The following NLN variants were observed in gnomAD, a reference collection of about 807,000 sequenced individuals.
The protein encoded by NLN is neurolysin, mitochondrial.
In NLN, 64 loss-of-function variants were observed where a neutral mutation model predicts 79.9. The observed-to-expected ratio is 0.80, with a 90% confidence interval of 0.65 to 0.99. NLN has a LOEUF of 0.99. NLN is among the 50% of genes least tolerant of loss of function. The pLI, the probability that NLN is intolerant of heterozygous loss-of-function variation, is 0.00. For synonymous variants in NLN, 267 were observed against 296.6 expected (o/e 0.90, Z 1.02); for missense variants, 835 against 858.7 (o/e 0.97, Z 0.34).
intron 1 of NLN, among the ~76,000 whole-genome samples, chr5:65,726,128 A>G (rs1758464328): frequency 6.7e-6 from 1 of 148,154 alleles, no homozygotes; most frequent in Admixed American, 6.7e-5. Context: ...AAAAAAAAAA[A>G]AATGGTTTTC....
At chr5:65,739,697 A>G (rs779468973) in intron 1 of NLN, among the ~76,000 whole-genome samples, 3 of 152,056 alleles carry the variant, frequency 2.0e-5, no homozygotes, top group Non-Finnish European at 4.4e-5. Flanking sequence ...CATAATAGCT[A>G]TTTTAACAGG....
At chr5:65,796,191 G>A (rs1760170203) in intron 9 of NLN, among the ~76,000 whole-genome samples, 1 of 152,160 alleles carries the variant, frequency 6.6e-6, no homozygotes, top group African/African-American at 2.4e-5. Flanking sequence ...AGATAATAGT[G>A]ATCTTCAAAT....
intron 1 of NLN, among the ~76,000 whole-genome samples, chr5:65,750,727 A>G (rs1047289052): frequency 7.9e-5 from 12 of 152,178 alleles, no homozygotes; most frequent in African/African-American, 2.9e-4. Flanking sequence ...TTAAAAAGTA[A>G]AGAGAAAGAG....
intron 3 of NLN, among the ~76,000 whole-genome samples, chr5:65,770,651 C>A (rs1561194501): frequency 6.6e-6 from 1 of 152,212 alleles, no homozygotes; most frequent in South Asian, 2.1e-4. Flanking sequence ...CACAACCTAG[C>A]ACATCCTCCC....
At chr5:65,760,980 T>A (rs1759324773) in intron 2 of NLN, among the ~76,000 whole-genome samples, 1 of 152,224 alleles carries the variant, frequency 6.6e-6, no homozygotes, top group South Asian at 2.1e-4. Context: ...GGAATAGATT[T>A]CTTAAAAACT....
Position 65,781,331 on chromosome 5 carries a change from A to T in NLN, c.732A>T (p.Lys244Asn), listed in dbSNP as rs748812849. The T allele has an allele frequency of 4.4e-6, 7 of 1,601,452 alleles. No individual in the cohort carries two copies. The highest frequency in any genetic ancestry group is 6.0e-6 in the Non-Finnish European group (7 of 1,168,592). ...TDDDKYKITL[K>N]YPHYFPVMKK... ...ATGACAAGTATAAAATTACCTTAAA[A>T]TATCCACACTATTTCCCTGTCATGA... Residue 244 changes from lysine to asparagine, a missense_variant, in exon 6 of 13, where the codon AAA becomes AAT. Transcript: ENST00000380985.
chr5:65,773,019 C>T (rs574709674), intron 3 of NLN, among the ~76,000 whole-genome samples: 6 of 151,672 alleles, frequency 4.0e-5, no homozygotes, highest in South Asian at 4.2e-4. Context: ...GTGGCACAGT[C>T]ACAGCTCACT....
At chr5:65,802,185 C>T (rs566769914) in intron 9 of NLN, among the ~76,000 whole-genome samples, 18 of 152,232 alleles carry the variant, frequency 1.2e-4, no homozygotes, top group Non-Finnish European at 2.2e-4. Context: ...GCACTCAGCT[C>T]GCACTACTGG....
chr5:65,784,409 T>C (rs549270895), intron 6 of NLN, among the ~76,000 whole-genome samples: 2 of 152,328 alleles, frequency 1.3e-5, no homozygotes, highest in South Asian at 2.1e-4. Flanking sequence ...TGTGCTGCTA[T>C]AACAAAATAC....
intron 6 of NLN, among the ~76,000 whole-genome samples, chr5:65,784,391 A>G (rs1280192339): frequency 6.6e-6 from 1 of 152,220 alleles, no homozygotes; most frequent in Non-Finnish European, 1.5e-5. Context: ...ATGGTGCCTT[A>G]GTTCATTTGT....
intron 3 of NLN, among the ~76,000 whole-genome samples, chr5:65,769,280 G>A (rs1479144032): frequency 2.0e-5 from 3 of 152,170 alleles, no homozygotes; most frequent in Non-Finnish European, 4.4e-5. Context: ...AGGAGGTGGG[G>A]ATGGTTAATG....
chr5:65,753,803 C>T (rs1759156804), intron 1 of NLN, among the ~76,000 whole-genome samples: 1 of 152,044 alleles, frequency 6.6e-6, no homozygotes, highest in Non-Finnish European at 1.5e-5. Context: ...ATTCATGTAA[C>T]TCAGTCATCT....
chr5:65,743,358 A>C (rs965347309), intron 1 of NLN, among the ~76,000 whole-genome samples: 4 of 152,242 alleles, frequency 2.6e-5, no homozygotes, highest in Non-Finnish European at 5.9e-5. Flanking sequence ...CTTAATACAG[A>C]TTATATAGAA....
chr5:65,791,085 T>G (rs1760047180), intron 8 of NLN, among the ~76,000 whole-genome samples: 1 of 152,182 alleles, frequency 6.6e-6, no homozygotes, highest in Non-Finnish European at 1.5e-5. Context: ...TTAACTTGTT[T>G]TATTTGTCTA....
intron 1 of NLN, among the ~76,000 whole-genome samples, chr5:65,742,623 A>G (rs149307194): frequency 2.0e-5 from 3 of 152,314 alleles, no homozygotes; most frequent in African/African-American, 7.2e-5. Context: ...TTATCTTGGC[A>G]AGATAACTTT....
intron 1 of NLN, among the ~76,000 whole-genome samples, chr5:65,749,049 C>A (rs1387035224): frequency 2.0e-5 from 3 of 152,192 alleles, no homozygotes; most frequent in Non-Finnish European, 2.9e-5. Context: ...CCTGCACATG[C>A]TCTCTTGCCT....
chr5:65,750,526 G>A (rs927023759), intron 1 of NLN, among the ~76,000 whole-genome samples: 4 of 152,146 alleles, frequency 2.6e-5, no homozygotes, highest in African/African-American at 9.7e-5. Flanking sequence ...GCTCATTATG[G>A]GCAACATAGC....
At chr5:65,726,585 A>C (rs892883999) in intron 1 of NLN, among the ~76,000 whole-genome samples, 21 of 152,174 alleles carry the variant, frequency 1.4e-4, no homozygotes, top group African/African-American at 5.1e-4. Flanking sequence ...CTCTACCTTT[A>C]AGGTTTGTGG....
chr5:65,786,637 A>G (rs1450482165), intron 7 of NLN, among the ~76,000 whole-genome samples: 1 of 151,994 alleles, frequency 6.6e-6, no homozygotes, highest in Non-Finnish European at 1.5e-5. Flanking sequence ...TGAGAGGACT[A>G]CTTGAGACCC....
Sources: allele counts gnomAD v4.1 joint callset (sites outside exome capture counted in the v4.1 genomes callset), GRCh38; gene constraint gnomAD v4.1.1; transcripts MANE v1.5; gene names NCBI Gene and HGNC (gene_info 2026-07-23, HGNC 2026-07-21).